Variants in CDH13 observed in about 807,000 individuals in gnomAD.
CDH13 encodes cadherin 13.
Under a neutral mutation model 63.8 loss-of-function variants are expected in CDH13, and 24 were observed. That is an observed-to-expected ratio of 0.38 (90% CI 0.27 to 0.53). CDH13 has a LOEUF of 0.53. CDH13 is among the 20% of genes least tolerant of loss of function. The pLI, the probability that CDH13 is intolerant of heterozygous loss-of-function variation, is 0.85. For synonymous variants in CDH13, 503 were observed against 355.3 expected (o/e 1.42, Z -4.67); for missense variants, 1,049 against 903.1 (o/e 1.16, Z -2.07).
intron 6 of CDH13, among the ~76,000 whole-genome samples, chr16:83,409,225 A>G (rs79754627): frequency 0.11 from 17,380 of 152,166 alleles, 1,285 homozygotes; most frequent in Middle Eastern, 0.18. Context: ...GTAAAAACGC[A>G]TAAGCTTCAG....
chr16:82,703,586 A>T (rs923293698), intron 1 of CDH13, among the ~76,000 whole-genome samples: 19 of 152,160 alleles, frequency 1.2e-4, no homozygotes, highest in Admixed American at 1.2e-3. Context: ...TTCTTTTCAT[A>T]TCACTGCCTC....
At chr16:83,607,097 G>T (rs1335939850) in intron 8 of CDH13, among the ~76,000 whole-genome samples, 1 of 152,012 alleles carries the variant, frequency 6.6e-6, no homozygotes, top group African/African-American at 2.4e-5. Context: ...TACTTTAAAG[G>T]TTACTTTTAA....
chr16:83,224,882 C>A (rs1015189739), intron 5 of CDH13, among the ~76,000 whole-genome samples: 6 of 152,166 alleles, frequency 3.9e-5, no homozygotes, highest in African/African-American at 1.4e-4. Context: ...TGCCACATAT[C>A]GGTTTTATAG....
intron 1 of CDH13, among the ~76,000 whole-genome samples, chr16:82,698,619 A>C (rs2030621742): frequency 6.6e-6 from 1 of 152,174 alleles, no homozygotes; most frequent in Non-Finnish European, 1.5e-5. Context: ...AGACAAGCTC[A>C]ATTCTACAGG....
chr16:83,499,715 A>C (rs1051560017), intron 7 of CDH13, among the ~76,000 whole-genome samples: 2 of 152,260 alleles, frequency 1.3e-5, no homozygotes, highest in African/African-American at 4.8e-5. Context: ...GGAGGGTAAT[A>C]GCTGAGCATG....
chr16:82,963,110 C>T (rs866133652), intron 2 of CDH13, among the ~76,000 whole-genome samples: 11 of 152,148 alleles, frequency 7.2e-5, no homozygotes, highest in South Asian at 4.2e-4. Context: ...GTGGCTCACA[C>T]CTGTAATCCC....
chr16:83,421,026 G>C (rs904581608), intron 6 of CDH13, among the ~76,000 whole-genome samples: 2 of 152,284 alleles, frequency 1.3e-5, no homozygotes, highest in African/African-American at 4.8e-5. Flanking sequence ...CCACAATGAG[G>C]GTGGGTCTTT....
intron 7 of CDH13, among the ~76,000 whole-genome samples, chr16:83,596,682 G>A (rs1276514216): frequency 6.6e-6 from 1 of 152,150 alleles, no homozygotes; most frequent in Non-Finnish European, 1.5e-5. Flanking sequence ...AAGGCTCTGA[G>A]GATCGGGAAG....
chr16:83,578,681 A>G (rs887866010), intron 7 of CDH13, among the ~76,000 whole-genome samples: 27 of 152,232 alleles, frequency 1.8e-4, no homozygotes, highest in Non-Finnish European at 2.6e-4. Flanking sequence ...GGATATGACA[A>G]TGAACATACA....
chr16:82,929,682 A>AAAAAAAAAAAAAAAAAC (rs2042420681), intron 2 of CDH13, among the ~76,000 whole-genome samples: 1 of 142,992 alleles, frequency 7.0e-6, no homozygotes. Context: ...AAAAAAAAAA[A>AAAAAAAAAAAAAAAAAC]AGAAGACAGC....
chr16:83,265,727 C>CTTTT (rs71272416), intron 5 of CDH13, among the ~76,000 whole-genome samples: 2 of 42,570 alleles, frequency 4.7e-5, no homozygotes, highest in Admixed American at 2.7e-4. Context: ...TAAATTTCTG[C>CTTTT]TTTTTTTTTT....
intron 1 of CDH13, among the ~76,000 whole-genome samples, chr16:82,653,445 G>C (rs1910958115): frequency 6.6e-6 from 1 of 152,170 alleles, no homozygotes; most frequent in Non-Finnish European, 1.5e-5. Context: ...GGCCTTCTGG[G>C]GAATATATTT....
chr16:82,748,960 C>CA (rs1444339066), intron 1 of CDH13, among the ~76,000 whole-genome samples: 1 of 152,160 alleles, frequency 6.6e-6, no homozygotes, highest in Non-Finnish European at 1.5e-5. Context: ...GATCTAGACA[C>CA]ATTTATGACC....
chr16:82,694,620 G>C (rs1422364246), intron 1 of CDH13, among the ~76,000 whole-genome samples: 1 of 151,868 alleles, frequency 6.6e-6, no homozygotes, highest in Admixed American at 6.5e-5. Context: ...AGCTTTTTTG[G>C]TGAATTTTCC....
At chr16:83,413,187 G>T (rs1010712863) in intron 6 of CDH13, among the ~76,000 whole-genome samples, 1 of 152,198 alleles carries the variant, frequency 6.6e-6, no homozygotes, top group Non-Finnish European at 1.5e-5. Flanking sequence ...ATGCAGTGAA[G>T]ATTGGTTTCT....
chr16:83,063,357 C>T lies in CDH13; in HGVS notation c.366+31139C>T, dbSNP rs182949572. 1.4e-4 allele frequency among the ~76,000 whole-genome samples: 21 copies of T among 152,294 alleles called. No individual in the cohort carries two copies. In the East Asian group the frequency reaches 3.1e-3, roughly 22 times the overall value. On this transcript the variant is annotated intron_variant, in intron 3 of 13. Transcript: ENST00000567109. ...CCCCAGAAGTTACACACCATCAGTT[C>T]CCCTGTGTTCTGTTCGTCAAAGCAG...
intron 10 of CDH13, among the ~76,000 whole-genome samples, chr16:83,747,656 G>A (rs1912717119): frequency 6.6e-6 from 1 of 150,890 alleles, no homozygotes; most frequent in African/African-American, 2.4e-5. Flanking sequence ...TTCTCTGTGA[G>A]GTGCCCAATA....
At chr16:83,784,623 C>T (rs1444294006) in intron 13 of CDH13, among the ~76,000 whole-genome samples, 3 of 135,220 alleles carry the variant, frequency 2.2e-5, no homozygotes, top group African/African-American at 5.9e-5. Flanking sequence ...CAGAGCAAGG[C>T]TCTGTCTCAA....
At chr16:82,629,114 C>G (rs1907702336) in intron 1 of CDH13, among the ~76,000 whole-genome samples, 2 of 152,184 alleles carry the variant, frequency 1.3e-5, no homozygotes, top group Admixed American at 1.3e-4. Flanking sequence ...TCCTTTAAAG[C>G]AAGACAGACC....
Sources: allele counts gnomAD v4.1 joint callset (sites outside exome capture counted in the v4.1 genomes callset), GRCh38; gene constraint gnomAD v4.1.1; transcripts MANE v1.5; gene names NCBI Gene and HGNC (gene_info 2026-07-23, HGNC 2026-07-21).